IQCE: variants seen among roughly 807,000 people sequenced by gnomAD.
The protein encoded by IQCE is IQ domain-containing protein E.
IQCE carries 115 observed loss-of-function variants against 96.0 expected under a neutral mutation model. That is an observed-to-expected ratio of 1.20 (90% CI 1.03 to 1.40). The LOEUF is 1.40. Among genes scored for constraint, IQCE ranks in the 40% most tolerant of loss-of-function variants. IQCE has a pLI of 0.00. For missense variants in IQCE, 1,041 were observed against 909.1 expected (o/e 1.15, Z -1.87); for synonymous variants, 412 against 371.2 (o/e 1.11, Z -1.26).
chr7:2,577,319 G>T (rs1196464594), intron 6 of IQCE, among the ~76,000 whole-genome samples: 1 of 151,448 alleles, frequency 6.6e-6, no homozygotes, highest in Admixed American at 6.6e-5. Flanking sequence ...GGGGATGTGT[G>T]TGCGGCGTAT....
chr7:2,571,022 A>ATTCTTTTCTT (rs142187992), intron 3 of IQCE, among the ~76,000 whole-genome samples: 16 of 151,924 alleles, frequency 1.1e-4, no homozygotes, highest in Non-Finnish European at 2.2e-4. Flanking sequence ...TATTCTTCCC[A>ATTCTTTTCTT]TTCTTTTCTT....
At chr7:2,573,569 C>CTGGGAGGTGCCCAGA in intron 6 of IQCE, 81 bp downstream of exon 6, 1 of 777,766 alleles carries the variant, frequency 1.3e-6, no homozygotes, top group Non-Finnish European at 2.2e-6. Context: ...AGTGCCTGTG[C>CTGGGAGGTGCCCAGA]TGGGAGGTGC....
intron 6 of IQCE, among the ~76,000 whole-genome samples, chr7:2,574,179 G>A (rs771953672): frequency 4.6e-5 from 7 of 152,208 alleles, no homozygotes; most frequent in South Asian, 2.1e-4. Flanking sequence ...AATCATCTGC[G>A]TTCATTTCCT....
chr7:2,597,150 G>A, intron 16 of IQCE: 1 of 467,902 alleles, frequency 2.1e-6, no homozygotes, highest in South Asian at 1.6e-5. Context: ...GAGCCGGCTG[G>A]TTAGGGCCGG....
At chr7:2,584,123 A>G (rs1782913364) in intron 10 of IQCE, 113 bp from the exon 11 acceptor site, 1 of 921,460 alleles carries the variant, frequency 1.1e-6, no homozygotes, top group Admixed American at 1.7e-5. Context: ...GCGGCCACTT[A>G]GTTCCCGCTT....
intron 1 of IQCE, among the ~76,000 whole-genome samples, chr7:2,565,098 G>C (rs1452598858): frequency 6.8e-6 from 1 of 147,112 alleles, no homozygotes; most frequent in Non-Finnish European, 1.5e-5. Context: ...GTGTGTGTGC[G>C]TGTGTGTGTG....
At chr7:2,589,509 C>T (rs146091946) in intron 13 of IQCE, among the ~76,000 whole-genome samples, 16 of 152,258 alleles carry the variant, frequency 1.1e-4, no homozygotes, top group African/African-American at 3.1e-4. Flanking sequence ...GGGACGGGCT[C>T]AGCGGCACTT....
rs1784692375 is a variant in IQCE, at chr7:2,604,993, T to C, written c.1743+2T>C. On this transcript the variant is annotated splice_donor_variant, in intron 19 of 21. Coordinates refer to ENST00000402050, the MANE Select transcript of IQCE (RefSeq NM_152558.5). LOFTEE classifies it high-confidence loss of function. ...AGCGTGCCAGGCCTCCCAGACCAGGTAATGTCGGGGTGCTGGACGTCCCAG... is the reference window on the plus strand; with the variant it reads ...AGCGTGCCAGGCCTCCCAGACCAGGCAATGTCGGGGTGCTGGACGTCCCAG... The C allele has an allele frequency of 3.1e-6, 5 of 1,604,974 alleles. No homozygotes were observed. Among genetic ancestry groups the C allele is most frequent in the Non-Finnish European group, 4.3e-6 (5 of 1,172,514 alleles).
chr7:2,588,170 G>C (rs954463387), intron 13 of IQCE, among the ~76,000 whole-genome samples: 5 of 152,216 alleles, frequency 3.3e-5, no homozygotes, highest in Non-Finnish European at 7.3e-5. Context: ...ACTGCCCGCT[G>C]ATGACCAGGC....
chr7:2,578,320 G>C lies in IQCE; in HGVS notation c.544G>C (p.Asp182His). ...RRLEEENSRKDRQIEQLLDPS... is the reference protein window; with the variant it reads ...RRLEEENSRKHRQIEQLLDPS... ...CCTGGAGGAGGAAAACAGCAGGAAG[G>C]ACCGGCAGATAGAGCAGCTCCTGGA... is the stretch of plus-strand genomic sequence containing the variant. The change falls in exon 7 of 22, where the codon GAC becomes CAC. Residue 182 changes from aspartate (D) to histidine (H), a missense_variant. By Grantham distance (81) the Asp-to-His change is moderately conservative. Transcript: ENST00000402050. The C allele has an allele frequency of 3.1e-6, 5 of 1,614,044 alleles. No individual in the cohort carries two copies. Among genetic ancestry groups the C allele is most frequent in the Non-Finnish European group, 4.2e-6 (5 of 1,179,986 alleles).
At position 2,611,110 on chromosome 7, in the gene IQCE, T is replaced by TGGCTA. The variant is rs1785083188; in HGVS notation, c.*952_*953insAGGCT. 1 of 36,606 alleles carries TGGCTA rather than the reference T, an allele frequency of 2.7e-5. No homozygotes were observed. Among genetic ancestry groups the TGGCTA allele is most frequent in the African/African-American group, 1.4e-4 (1 of 7,310 alleles). The allele number at this position is 36,606 out of a possible 1,614,324, so 2.3% of individuals were successfully genotyped here. A position where few individuals can be genotyped will look rare whatever the true frequency, so the allele number is the denominator to read the frequency against. ...GCGGCCTCTGCACTCCCAAGCTCCA[T>TGGCTA]GGCTGGGCTGGGCTGGGCTGGGCTG... On this transcript the variant is annotated 3_prime_UTR_variant, in exon 22 of 22. Transcript: ENST00000402050.
intron 12 of IQCE, among the ~76,000 whole-genome samples, chr7:2,586,889 G>C (rs1318886379): frequency 3.3e-5 from 5 of 152,150 alleles, no homozygotes; most frequent in Non-Finnish European, 5.9e-5. Context: ...GGTGCCATGG[G>C]AGCCTTAGGG....
chr7:2,597,162 G>A (rs1318167227), intron 16 of IQCE: 7 of 465,752 alleles, frequency 1.5e-5, no homozygotes, highest in Middle Eastern at 6.5e-4. Flanking sequence ...TAGGGCCGGC[G>A]GGCTGGAAGC....
chr7:2,581,361 A>G (rs974933401), intron 8 of IQCE, among the ~76,000 whole-genome samples: 1 of 151,416 alleles, frequency 6.6e-6, no homozygotes, highest in African/African-American at 2.4e-5. Context: ...ACCTACCACC[A>G]TGCCCGGCTA....
In IQCE at chr7:2,605,894, G is replaced by A. The variant is rs776021404; in HGVS notation, c.1762G>A (p.Val588Ile). The A allele has an allele frequency of 2.1e-5, 34 of 1,605,358 alleles. No homozygotes were observed. In the South Asian group the frequency reaches 2.2e-4, roughly 11 times the overall value. The part of the protein sequence containing the change: ...LPDQSSPVPR[V>I]PSPIAQATGS... ...ACCCCAGAGCTCTCCTGTGCCCCGCGTTCCGAGCCCCATCGCCCAGGCCAC... is the reference window on the plus strand; with the variant it reads ...ACCCCAGAGCTCTCCTGTGCCCCGCATTCCGAGCCCCATCGCCCAGGCCAC... The change falls in exon 20 of 22, where the codon GTT becomes ATT. Residue 588 changes from valine (V) to isoleucine (I), a missense_variant. By Grantham distance (29) the Val-to-Ile change is conservative. Coordinates refer to ENST00000402050, the MANE Select transcript of IQCE (RefSeq NM_152558.5).
intron 6 of IQCE, among the ~76,000 whole-genome samples, chr7:2,575,139 T>C (rs1339517262): frequency 6.6e-6 from 1 of 152,258 alleles, no homozygotes; most frequent in African/African-American, 2.4e-5. Flanking sequence ...AAAAAGTGAT[T>C]TCCTTGAAAC....
intron 15 of IQCE, among the ~76,000 whole-genome samples, chr7:2,594,166 A>G (rs1783835157): frequency 6.6e-6 from 1 of 152,240 alleles, no homozygotes; most frequent in South Asian, 2.1e-4. Context: ...AGGCTGAGGC[A>G]GGAGAATAGC....
chr7:2,580,598 GTGAAACTC>G, intron 8 of IQCE, among the ~76,000 whole-genome samples: 1 of 152,196 alleles, frequency 6.6e-6, no homozygotes, highest in South Asian at 2.1e-4. Context: ...GGCTACAAGA[GTGAAACTC>G]TGTCTCAAAA....
chr7:2,595,021 CTT>C, intron 16 of IQCE, 45 bp downstream of exon 16: 1 of 1,377,862 alleles, frequency 7.3e-7, no homozygotes, highest in Admixed American at 1.7e-5. Context: ...TGCGGTGAGA[CTT>C]TGGTCGTGAC....
Sources: gnomAD v4.1 joint callset for allele counts (sites outside exome capture counted in the v4.1 genomes callset) on GRCh38, gnomAD v4.1.1 for gene constraint, MANE v1.5 for transcripts, NCBI Gene and HGNC (gene_info 2026-07-23, HGNC 2026-07-21) for gene names.